C8A: variants seen among roughly 807,000 people sequenced by gnomAD.
C8A encodes complement component C8 alpha chain.
A neutral mutation model predicts 65.3 loss-of-function variants in C8A; 67 were observed. The observed-to-expected ratio is 1.03, with a 90% CI of 0.84 to 1.26. The LOEUF (loss-of-function observed/expected upper bound fraction) is 1.26. C8A is among the 50% of genes most tolerant of loss of function. The probability of loss-of-function intolerance (pLI) is 0.00; values close to 1 mark genes in which losing one functional copy is unlikely to be tolerated. For synonymous variants in C8A, 290 were observed against 259.4 expected, an observed-to-expected ratio of 1.12 and a Z score of -1.13; for missense variants, 781 against 723.9, an observed-to-expected ratio of 1.08 and a Z score of -0.90.
At chr1:56,869,589 C>G (rs575824165) in intron 2 of C8A, among the ~76,000 whole-genome samples, 2 of 152,294 alleles carry the variant, frequency 1.3e-5, no homozygotes, top group South Asian at 4.1e-4. Context: ...GAAATCTCCA[C>G]ACTGTTTTCC....
chr1:56,866,720 G>A (rs1161389201), intron 1 of C8A, among the ~76,000 whole-genome samples: 2 of 152,180 alleles, frequency 1.3e-5, no homozygotes, highest in Non-Finnish European at 2.9e-5. Flanking sequence ...TGTAGCAGTG[G>A]TACTATGGGA....
intron 2 of C8A, among the ~76,000 whole-genome samples, chr1:56,874,521 A>G (rs1557700704): frequency 6.6e-6 from 1 of 152,194 alleles, no homozygotes; most frequent in Non-Finnish European, 1.5e-5. Context: ...CAATATGAAA[A>G]TTGCTCACAG....
At chr1:56,871,081 T>G (rs919961438) in intron 2 of C8A, among the ~76,000 whole-genome samples, 2 of 152,200 alleles carry the variant, frequency 1.3e-5, no homozygotes, top group African/African-American at 4.8e-5. Context: ...CCTTATGGCT[T>G]GCACCATAAT....
intron 2 of C8A, among the ~76,000 whole-genome samples, chr1:56,874,314 A>T (rs143915626): frequency 2.1e-4 from 32 of 152,318 alleles, no homozygotes; most frequent in African/African-American, 7.7e-4. Context: ...CATCCCTGTG[A>T]CTGAGGAAGT....
intron 7 of C8A, among the ~76,000 whole-genome samples, chr1:56,896,376 C>T (rs1644387336): frequency 6.6e-6 from 1 of 152,042 alleles, no homozygotes; most frequent in South Asian, 2.1e-4. Flanking sequence ...CCTGGGCAGC[C>T]AGTGATGTAT....
At chr1:56,861,824 C>G (rs960549367) in intron 1 of C8A, among the ~76,000 whole-genome samples, 2 of 152,182 alleles carry the variant, frequency 1.3e-5, no homozygotes, top group Non-Finnish European at 2.9e-5. Context: ...TTAATACAAG[C>G]TGAGCCAATT....
At chr1:56,896,842 A>T (rs1227403531) in intron 7 of C8A, among the ~76,000 whole-genome samples, 2 of 152,174 alleles carry the variant, frequency 1.3e-5, no homozygotes. Context: ...AATAAGCATC[A>T]CTGGGTTCTA....
chr1:56,891,516 C>G (rs1056494389), intron 7 of C8A, among the ~76,000 whole-genome samples: 1 of 151,988 alleles, frequency 6.6e-6, no homozygotes. Context: ...ATTAGAGGAG[C>G]AGGAGTGGAC....
At chr1:56,883,718 A>C in intron 6 of C8A, 37 bp downstream of exon 6, 1 of 1,539,588 alleles carries the variant, frequency 6.5e-7, no homozygotes, top group Non-Finnish European at 9.0e-7. Context: ...ACAGTATTCC[A>C]TAATATACAC....
intron 6 of C8A, among the ~76,000 whole-genome samples, chr1:56,885,439 A>AATATATATTTAAATATATATTTAC (rs1319825623): frequency 8.4e-6 from 1 of 119,470 alleles, no homozygotes; most frequent in Non-Finnish European, 1.6e-5. Context: ...TATATATTTA[A>AATATATATTTAAATATATATTTAC]GTAAATATAT....
At chr1:56,882,774 C>T (rs1057098621) in intron 5 of C8A, among the ~76,000 whole-genome samples, 3 of 152,122 alleles carry the variant, frequency 2.0e-5, no homozygotes, top group African/African-American at 7.2e-5. Flanking sequence ...GGACTAAGTG[C>T]TTTGGGAACA....
intron 4 of C8A, among the ~76,000 whole-genome samples, chr1:56,877,520 A>T (rs570034668): frequency 1.3e-5 from 2 of 152,120 alleles, no homozygotes; most frequent in Non-Finnish European, 2.9e-5. Context: ...TTAGCTCAGA[A>T]TGACGTTCCA....
chr1:56,904,586 C>T (rs1644449840), intron 7 of C8A, among the ~76,000 whole-genome samples: 1 of 152,126 alleles, frequency 6.6e-6, no homozygotes, highest in South Asian at 2.1e-4. Context: ...AGTAAAATAC[C>T]ACAGGCTTCT....
rs574816940 is a variant in C8A, at chr1:56,856,381, C to T, written c.77+1403C>T. 3.3e-5 allele frequency among the ~76,000 whole-genome samples: 5 copies of T among 152,232 alleles called. No homozygotes were observed. In the South Asian group the frequency reaches 1.0e-3, roughly 32 times the overall value. ...ATGCATGAAAGTACTTAGATCAATACCTGTTACCTATTACCTAGTAATCAT... is the reference window on the plus strand; with the variant it reads ...ATGCATGAAAGTACTTAGATCAATATCTGTTACCTATTACCTAGTAATCAT... On this transcript the variant is annotated intron_variant, in intron 1 of 10. Coordinates refer to ENST00000361249, the MANE Select transcript of C8A (RefSeq NM_000562.3).
In C8A at chr1:56,906,674, C is replaced by A. The variant is rs754473066; in HGVS notation, c.1104C>A (p.Thr368=). The A allele has an allele frequency of 4.3e-6, 7 of 1,613,978 alleles. No individual in the cohort carries two copies. The East Asian group carries it at 8.9e-5, about 21-fold the overall frequency. The change falls in exon 8 of 11, where the codon ACC becomes ACA. Residue 368 remains threonine, a synonymous_variant. Coordinates refer to ENST00000361249, the MANE Select transcript of C8A (RefSeq NM_000562.3). ...TCTGTCTCCCTGTTGCAGGTATTACCAGCAGAGATATCACGACATGTTTTG... is the reference window on the plus strand; with the variant it reads ...TCTGTCTCCCTGTTGCAGGTATTACAAGCAGAGATATCACGACATGTTTTG... The part of the protein sequence containing the change: ...DKAKMESLGI[T]SRDITTCFGG...
At position 56,917,814 on chromosome 1, in the gene C8A, A is replaced by G. The variant is rs111368508; in HGVS notation, c.*98A>G. Reference sequence around the variant, plus strand: ...TTTCAACTAAGAGAAGATGCAAATCAGCACACTTTTTTCTTTGTTCTGCCA... The same window carrying G: ...TTTCAACTAAGAGAAGATGCAAATCGGCACACTTTTTTCTTTGTTCTGCCA... On this transcript the variant is annotated 3_prime_UTR_variant, in exon 11 of 11. Transcript: ENST00000361249. 36 of 1,466,490 alleles carry G rather than the reference A, an allele frequency of 2.5e-5. 2 individuals carry two copies. The African/African-American group carries it at 2.6e-4, about 11-fold the overall frequency. The allele number at this position is 1,466,490 out of a possible 1,614,324, so 90.8% of individuals were successfully genotyped here.
Position 56,881,477 on chromosome 1 carries a change from G to T in C8A, c.497G>T (p.Ser166Ile), listed in dbSNP as rs780922319. 1 of 1,613,756 alleles carries T rather than the reference G, an allele frequency of 6.2e-7. No homozygotes were observed. Among genetic ancestry groups the T allele is most frequent in the Non-Finnish European group, 8.5e-7 (1 of 1,179,732 alleles). ...ATCCTGACCCAGGAAGATGCTCAGAGTGTGTACGATGCCAGTTATTATGGG... is the reference window on the plus strand; with the variant it reads ...ATCCTGACCCAGGAAGATGCTCAGATTGTGTACGATGCCAGTTATTATGGG... ...YNILTQEDAQ[S>I]VYDASYYGGQ... The change falls in exon 5 of 11, where the codon AGT becomes ATT. Residue 166 changes from serine to isoleucine, a missense_variant. Physicochemically the swap from Ser to Ile is moderately radical, Grantham distance 142. Coordinates refer to ENST00000361249, the MANE Select transcript of C8A (RefSeq NM_000562.3).
intron 7 of C8A, 35 bp from the exon 8 acceptor site, chr1:56,906,632 T>C (rs769849875): frequency 6.2e-7 from 1 of 1,613,472 alleles, no homozygotes; most frequent in South Asian, 1.1e-5. Flanking sequence ...TTTTAATAAC[T>C]CAGCATTTTG....
chr1:56,856,012 T>G (rs1023111544), intron 1 of C8A, among the ~76,000 whole-genome samples: 1 of 152,156 alleles, frequency 6.6e-6, no homozygotes, highest in African/African-American at 2.4e-5. Context: ...TATAAAAGCT[T>G]ATCATTGTAA....
Sources: allele counts gnomAD v4.1 joint callset (sites outside exome capture counted in the v4.1 genomes callset), GRCh38; gene constraint gnomAD v4.1.1; transcripts MANE v1.5; gene names NCBI Gene and HGNC (gene_info 2026-07-23, HGNC 2026-07-21).